DGKE: variants seen among roughly 807,000 people sequenced by gnomAD.
The protein encoded by DGKE is DAG kinase epsilon.
Under a neutral mutation model 70.0 loss-of-function variants are expected in DGKE, and 53 were observed. The ratio of observed to expected loss-of-function variants is 0.76; its 90% CI spans 0.61 to 0.95. DGKE has a LOEUF of 0.95. Ranked by LOEUF, DGKE falls within the 40% of genes least tolerant of loss-of-function variation. The pLI is 0.00. For synonymous variants in DGKE, 291 were observed against 257.0 expected, an observed-to-expected ratio of 1.13 and a Z score of -1.27; for missense variants, 655 against 706.9, an observed-to-expected ratio of 0.93 and a Z score of 0.83.
chr17:56,841,532 C>A (rs1356632375), intron 2 of DGKE, among the ~76,000 whole-genome samples: 2 of 151,928 alleles, frequency 1.3e-5, no homozygotes, highest in African/African-American at 4.8e-5. Flanking sequence ...AATCAGACTT[C>A]CAGATTAAAA....
At chr17:56,858,920 A>G (rs1402100102) in intron 9 of DGKE, among the ~76,000 whole-genome samples, 1 of 152,136 alleles carries the variant, frequency 6.6e-6, no homozygotes, top group Non-Finnish European at 1.5e-5. Context: ...AATTTGCCCA[A>G]ATTCTCTCAT....
intron 7 of DGKE, among the ~76,000 whole-genome samples, chr17:56,851,891 C>T (rs966983628): frequency 6.6e-6 from 1 of 152,092 alleles, no homozygotes; most frequent in African/African-American, 2.4e-5. Context: ...ATTGAAGACA[C>T]CACTCAGAAA....
At chr17:56,849,564 G>T (rs1408497218) in intron 7 of DGKE, among the ~76,000 whole-genome samples, 1 of 152,110 alleles carries the variant, frequency 6.6e-6, no homozygotes, top group East Asian at 1.9e-4. Context: ...TACAGAGAGA[G>T]TAGATCTGTA....
chr17:56,848,979 A>C, intron 6 of DGKE, 126 bp downstream of exon 6: 1 of 1,326,174 alleles, frequency 7.5e-7, no homozygotes, highest in Admixed American at 2.1e-5. Flanking sequence ...AGTTGTACCT[A>C]CACAGATACT....
At chr17:56,849,108 C>A in intron 6 of DGKE, 73 bp from the exon 7 acceptor site, 1 of 1,448,042 alleles carries the variant, frequency 6.9e-7, no homozygotes, top group South Asian at 1.3e-5. Flanking sequence ...ATAGAAAACC[C>A]TCATTTATCC....
intron 7 of DGKE, among the ~76,000 whole-genome samples, chr17:56,851,992 C>G (rs986083274): frequency 1.3e-5 from 2 of 152,074 alleles, no homozygotes; most frequent in Non-Finnish European, 2.9e-5. Context: ...TGCTTGAGCC[C>G]AAGAGTTCAA....
rs146765015 is a variant in DGKE, at chr17:56,835,050, C to T, written c.255C>T (p.Ala85=). 1.4e-3 allele frequency: 2,232 copies of T among 1,613,188 alleles called. 1 individual carries two copies. The highest frequency in any genetic ancestry group is 1.8e-3 in the Non-Finnish European group (2,133 of 1,180,030). Residue 85 remains alanine, a synonymous_variant, in exon 2 of 12, where the codon GCC becomes GCT. Transcript: ENST00000284061. ...GCGCGCAGCACATTCTGCAGGGCGC[C>T]TTCTGCGACTGCTGCGGGCTCCGCG... is the stretch of plus-strand genomic sequence containing the variant. ...CVCAQHILQG[A]FCDCCGLRVD... is the part of the protein sequence containing the mutation.
In DGKE at chr17:56,862,658, C is replaced by T. The variant is rs776153408; in HGVS notation, c.1571C>T (p.Pro524Leu). The T allele has an allele frequency of 6.3e-7, 1 of 1,590,884 alleles. No homozygotes were observed. The highest frequency in any genetic ancestry group is 8.5e-7 in the Non-Finnish European group (1 of 1,173,454). The change falls in exon 12 of 12, where the codon CCT becomes CTT. Residue 524 changes from proline to leucine, a missense_variant. By Grantham distance (98) the Pro-to-Leu change is moderately conservative. Transcript: ENST00000284061. The stretch of plus-strand genomic sequence containing the variant: ...ATGCCAATGCAGGTGGATGGGGAGC[C>T]TTGGGCCCAAGGGCCCTGCACTGTC... The part of the protein sequence containing the change: ...SMMPMQVDGE[P>L]WAQGPCTVTI...
At chr17:56,841,167 C>T (rs1251905261) in intron 2 of DGKE, among the ~76,000 whole-genome samples, 1 of 151,110 alleles carries the variant, frequency 6.6e-6, no homozygotes, top group African/African-American at 2.4e-5. Context: ...AGGAGAATCA[C>T]TTGAACCCAG....
chr17:56,861,985 CTT>C, intron 10 of DGKE, 67 bp downstream of exon 10: 8 of 1,544,792 alleles, frequency 5.2e-6, no homozygotes, highest in Non-Finnish European at 6.9e-6. Context: ...TGTTTATAGA[CTT>C]TAACATTTTT....
At chr17:56,856,707 A>G (rs1907971871) in intron 8 of DGKE, 82 bp downstream of exon 8, 2 of 1,457,740 alleles carry the variant, frequency 1.4e-6, no homozygotes, top group Non-Finnish European at 1.8e-6. Flanking sequence ...TAGCACTCCT[A>G]GATTCAGATT....
intron 2 of DGKE, chr17:56,835,975 A>T (rs1332188749): frequency 2.6e-5 from 4 of 152,238 alleles, no homozygotes; most frequent in Non-Finnish European, 5.9e-5. Flanking sequence ...CTGCTTTGCA[A>T]ATGATCTATT....
intron 2 of DGKE, among the ~76,000 whole-genome samples, chr17:56,843,586 T>C (rs773902956): frequency 2.6e-5 from 4 of 151,984 alleles, no homozygotes; most frequent in Non-Finnish European, 5.9e-5. Context: ...TCATTTGAGG[T>C]CTGGAGGTCA....
chr17:56,835,373 G>C (rs1435246515), intron 2 of DGKE, 114 bp downstream of exon 2: 3 of 1,152,756 alleles, frequency 2.6e-6, no homozygotes, highest in African/African-American at 3.1e-5. Context: ...TCATTTTGAG[G>C]AAACAAGCTA....
Position 56,856,503 on chromosome 17 carries a change from T to C in DGKE, c.1099-9T>C, listed in dbSNP as rs1160150265. 1.2e-6 allele frequency: 2 copies of C among 1,611,386 alleles called. No individual in the cohort carries two copies. Among genetic ancestry groups the C allele is most frequent in the Admixed American group, 3.4e-5 (2 of 59,670 alleles). On this transcript the variant is annotated splice_polypyrimidine_tract_variant and intron_variant, in intron 7 of 11. Coordinates refer to ENST00000284061, the MANE Select transcript of DGKE (RefSeq NM_003647.3). ...ATAGTCTGTTGCTTATTCTTACCCTTTCTCACAGGAATTCACAATGAACAA... is the reference window on the plus strand; with the variant it reads ...ATAGTCTGTTGCTTATTCTTACCCTCTCTCACAGGAATTCACAATGAACAA...
chr17:56,851,762 G>A (rs1018864748), intron 7 of DGKE, among the ~76,000 whole-genome samples: 1 of 152,182 alleles, frequency 6.6e-6, no homozygotes, highest in Non-Finnish European at 1.5e-5. Flanking sequence ...TGGGACTAAT[G>A]TTCTCAGAGA....
chr17:56,834,906 C>G lies in DGKE; in HGVS notation c.111C>G (p.Thr37=). The G allele has an allele frequency of 6.2e-7, 1 of 1,613,820 alleles. No homozygotes were observed. Among genetic ancestry groups the G allele is most frequent in the Non-Finnish European group, 8.5e-7 (1 of 1,179,982 alleles). The change falls in exon 2 of 12, where the codon ACC becomes ACG. Residue 37 remains threonine (T), a synonymous_variant. Transcript: ENST00000284061. ...CGGTCCTGCTGCCGGTGTTCATCACCTTCTGGTGTAGCCTCCAGCGGTCGC... is the reference window on the plus strand; with the variant it reads ...CGGTCCTGCTGCCGGTGTTCATCACGTTCTGGTGTAGCCTCCAGCGGTCGC... The part of the protein sequence containing the change: ...LCSVLLPVFI[T]FWCSLQRSRR...
Position 56,869,398 on chromosome 17 carries a change from GCTTT to G in DGKE, c.*6610_*6613del, listed in dbSNP as rs1908661326. The G allele has an allele frequency of 6.6e-6, 1 of 152,192 alleles. No homozygotes were observed. The highest frequency in any genetic ancestry group is 2.4e-5 in the African/African-American group (1 of 41,440). 9.4% of individuals were successfully genotyped at this position (152,192 alleles called of 1,614,324 possible). On this transcript the variant is annotated 3_prime_UTR_variant, in exon 12 of 12. Transcript: ENST00000284061. Reference sequence around the variant, plus strand: ...TTCCTTCCATCTGGATTTTCATAAAGCTTTCTGATTTATCAGTAACGATCTGAAA... The same window carrying G: ...TTCCTTCCATCTGGATTTTCATAAAGCTGATTTATCAGTAACGATCTGAAA...
In DGKE at chr17:56,834,864, C is replaced by G. The variant is rs773398906; in HGVS notation, c.69C>G (p.Ile23Met). The stretch of plus-strand genomic sequence containing the variant: ...GCCTGTTTGCGGACGGGCACCTGAT[C>G]TTGTGGACGCTGTGCTCGGTCCTGC... ...SEGLFADGHL[I>M]LWTLCSVLLP... Residue 23 changes from isoleucine to methionine, a missense_variant, in exon 2 of 12, where the codon ATC becomes ATG. Physicochemically the swap from Ile to Met is conservative, Grantham distance 10 (BLOSUM62 1). Transcript: ENST00000284061. The G allele has an allele frequency of 2.5e-6, 4 of 1,612,818 alleles. No homozygotes were observed. Among genetic ancestry groups the G allele is most frequent in the East Asian group, 2.2e-5 (1 of 44,876 alleles).
Sources: gnomAD v4.1 joint callset for allele counts (sites outside exome capture counted in the v4.1 genomes callset) on GRCh38, gnomAD v4.1.1 for gene constraint, MANE v1.5 for transcripts, NCBI Gene and HGNC (gene_info 2026-07-23, HGNC 2026-07-21) for gene names.